Variants in KHDRBS2 observed in about 807,000 individuals in gnomAD.
KHDRBS2 encodes the protein KH domain-containing, RNA-binding, signal transduction-associated protein 2.
Under a neutral mutation model 44.3 loss-of-function variants are expected in KHDRBS2, and 26 were observed. That is an observed-to-expected ratio of 0.59 (90% CI 0.43 to 0.81). The LOEUF is 0.81. Among genes scored for constraint, KHDRBS2 ranks in the 40% least tolerant of loss-of-function variants. The pLI, the probability that KHDRBS2 is intolerant of heterozygous loss-of-function variation, is 0.00. For synonymous variants in KHDRBS2, 194 were observed against 151.1 expected (o/e 1.28, Z -2.08); for missense variants, 476 against 433.1 (o/e 1.10, Z -0.88).
At chr6:62,073,471 C>T (rs536563390) in intron 2 of KHDRBS2, among the ~76,000 whole-genome samples, 30 of 147,120 alleles carry the variant, frequency 2.0e-4, no homozygotes, top group South Asian at 1.1e-3. Context: ...TAATTGTTTG[C>T]TAATTTTGCT....
the KHDRBS2 span, among the ~76,000 whole-genome samples, chr6:61,566,442 T>A: frequency 1.3e-5 from 2 of 152,170 alleles, no homozygotes; most frequent in African/African-American, 4.8e-5. Context: ...GTATTAGATA[T>A]CCCAATTACC....
At chr6:61,869,691 G>C (rs1045003368) in intron 6 of KHDRBS2, among the ~76,000 whole-genome samples, 2 of 152,126 alleles carry the variant, frequency 1.3e-5, no homozygotes, top group Admixed American at 1.3e-4. Flanking sequence ...TAGACAGTGG[G>C]TACAGCTCAT....
intron 4 of KHDRBS2, among the ~76,000 whole-genome samples, chr6:61,951,615 T>G (rs1304539778): frequency 6.6e-6 from 1 of 152,032 alleles, no homozygotes; most frequent in Non-Finnish European, 1.5e-5. Flanking sequence ...TTCCTTTAAA[T>G]CTATTAGACA....
chr6:62,228,957 C>G (rs1288222986), intron 1 of KHDRBS2, among the ~76,000 whole-genome samples: 6 of 152,120 alleles, frequency 3.9e-5, no homozygotes, highest in Non-Finnish European at 8.8e-5. Context: ...TCTGACAACC[C>G]TGTTGGAGGA....
chr6:61,807,675 G>A (rs558798260), intron 6 of KHDRBS2, among the ~76,000 whole-genome samples: 2 of 152,110 alleles, frequency 1.3e-5, no homozygotes, highest in Non-Finnish European at 2.9e-5. Context: ...TGAAGGTTGA[G>A]GGTGGGAGGA....
chr6:62,156,283 G>T (rs1816357930), intron 2 of KHDRBS2, among the ~76,000 whole-genome samples: 1 of 152,204 alleles, frequency 6.6e-6, no homozygotes, highest in African/African-American at 2.4e-5. Context: ...ACTTTTTAAT[G>T]TATTTTGTAC....
In KHDRBS2 at chr6:61,681,020, T is replaced by C; in HGVS notation, c.993A>G (p.Ala331=). ...EWATTRSSLK[A]PPQRSARGGY... ...CCCCTCTGGCTGACCTTTGCGGTGG[T>C]GCCTTCAAGCTAGAGCGGGTTGTGG... The change falls in exon 9 of 9, where the codon GCA becomes GCG. Residue 331 remains alanine, a synonymous_variant. Transcript: ENST00000281156. The C allele has an allele frequency of 6.2e-7, 1 of 1,611,926 alleles. No homozygotes were observed. Among genetic ancestry groups the C allele is most frequent in the Non-Finnish European group, 8.5e-7 (1 of 1,178,704 alleles).
intron 6 of KHDRBS2, among the ~76,000 whole-genome samples, chr6:61,770,125 C>T (rs929751327): frequency 2.6e-5 from 4 of 152,170 alleles, no homozygotes; most frequent in African/African-American, 9.7e-5. Context: ...AGCTGAGGGT[C>T]CTGTCTGTTA....
At chr6:61,561,790 A>C in the KHDRBS2 span, among the ~76,000 whole-genome samples, 16 of 152,312 alleles carry the variant, frequency 1.1e-4, no homozygotes, top group Non-Finnish European at 2.4e-4. Flanking sequence ...ACAGAATAGT[A>C]GTTTTGAGTC....
chr6:61,916,953 C>G (rs985466749), intron 4 of KHDRBS2, among the ~76,000 whole-genome samples: 1 of 139,646 alleles, frequency 7.2e-6, no homozygotes, highest in Admixed American at 7.5e-5. Context: ...TGTGGAGAAA[C>G]AGGAACTCTG....
chr6:61,562,362 T>A, the KHDRBS2 span, among the ~76,000 whole-genome samples: 1 of 152,170 alleles, frequency 6.6e-6, no homozygotes, highest in Admixed American at 6.5e-5. Flanking sequence ...CCTTTAGGGA[T>A]CTTCTCACAG....
At chr6:62,221,161 A>C (rs1830832943) in intron 1 of KHDRBS2, among the ~76,000 whole-genome samples, 1 of 152,004 alleles carries the variant, frequency 6.6e-6, no homozygotes. Context: ...TTGCCACAAC[A>C]TGAATGAAAC....
Position 62,249,106 on chromosome 6 carries a change from G to A in KHDRBS2, c.91+36752C>T, listed in dbSNP as rs116738572. On this transcript the variant is annotated intron_variant, in intron 1 of 8. Transcript: ENST00000281156. ...AAGAATCTGTTTCAAAAGATGCTTTGAAGATGTCCATTCAGTCATTTCTAT... is the reference window on the plus strand; with the variant it reads ...AAGAATCTGTTTCAAAAGATGCTTTAAAGATGTCCATTCAGTCATTTCTAT... Among the ~76,000 whole-genome samples, 381 of 152,154 alleles carry A rather than the reference G, an allele frequency of 2.5e-3. 3 individuals carry two copies. The highest frequency in any genetic ancestry group is 8.4e-3 in the African/African-American group (349 of 41,524).
At chr6:61,554,029 C>A in the KHDRBS2 span, among the ~76,000 whole-genome samples, 1 of 152,004 alleles carries the variant, frequency 6.6e-6, no homozygotes, top group Non-Finnish European at 1.5e-5. Flanking sequence ...TTTTGTCAAG[C>A]ATTGAGTTCA....
intron 1 of KHDRBS2, 114 bp from the exon 2 acceptor site, chr6:62,177,426 T>G: frequency 2.5e-6 from 2 of 806,952 alleles, no homozygotes; most frequent in Non-Finnish European, 3.7e-6. Context: ...TCAAATAAGA[T>G]TTTGATGAAT....
chr6:61,755,864 A>T (rs1778419660), intron 6 of KHDRBS2, among the ~76,000 whole-genome samples: 1 of 151,638 alleles, frequency 6.6e-6, no homozygotes, highest in Non-Finnish European at 1.5e-5. Flanking sequence ...AATTGAATGG[A>T]GTGAGGGTCC....
At chr6:61,775,085 T>G (rs1377237911) in intron 6 of KHDRBS2, among the ~76,000 whole-genome samples, 1 of 151,984 alleles carries the variant, frequency 6.6e-6, no homozygotes, top group African/African-American at 2.4e-5. Flanking sequence ...TTGACAAAAT[T>G]CAACAACCCT....
intron 1 of KHDRBS2, among the ~76,000 whole-genome samples, chr6:62,261,230 A>G (rs1838282720): frequency 6.6e-6 from 1 of 151,928 alleles, no homozygotes; most frequent in East Asian, 1.9e-4. Context: ...TCATTAGGGC[A>G]TAAATTTCTT....
chr6:61,803,027 T>G (rs1786535341), intron 6 of KHDRBS2, among the ~76,000 whole-genome samples: 3 of 152,218 alleles, frequency 2.0e-5, no homozygotes. Context: ...GAAGGTTTAT[T>G]GGCCTAAGCA....
Sources: allele counts gnomAD v4.1 joint callset (sites outside exome capture counted in the v4.1 genomes callset), GRCh38; gene constraint gnomAD v4.1.1; transcripts MANE v1.5; gene names NCBI Gene and HGNC (gene_info 2026-07-23, HGNC 2026-07-21).